The following SIK2 variants were observed in gnomAD, a reference collection of about 807,000 sequenced individuals.
SIK2 encodes serine/threonine-protein kinase SIK2.
A neutral mutation model predicts 103.2 loss-of-function variants in SIK2; 29 were observed. The ratio of observed to expected loss-of-function variants is 0.28; its 90% confidence interval spans 0.21 to 0.38. The LOEUF (loss-of-function observed/expected upper bound fraction) is 0.38, where lower values mean the gene tolerates loss of function less well. Among genes scored for constraint, SIK2 ranks in the 10% least tolerant of loss-of-function variants. The probability of loss-of-function intolerance (pLI) is 1.00; values close to 1 mark genes in which losing one functional copy is unlikely to be tolerated. For missense variants in SIK2, 879 were observed against 1,171.0 expected, an observed-to-expected ratio of 0.75 and a Z score of 3.64; for synonymous variants, 412 against 446.1, an observed-to-expected ratio of 0.92 and a Z score of 0.96.
chr11:111,730,686 CA>C lies in SIK2; in HGVS notation c.*6561del, dbSNP rs1944161922. On this transcript the variant is annotated 3_prime_UTR_variant, in exon 15 of 15. Coordinates refer to ENST00000304987, the MANE Select transcript of SIK2 (RefSeq NM_015191.3). Reference sequence around the variant, plus strand: ...ATAGCTCCAATGTGAAAAAAAAAATCAAAAGTATAACTTGTCACTTAATGTT... The same window carrying C: ...ATAGCTCCAATGTGAAAAAAAAAATCAAAGTATAACTTGTCACTTAATGTT... The C allele has an allele frequency of 6.6e-6, 1 of 151,234 alleles. No homozygotes were observed. The highest frequency in any genetic ancestry group is 1.5e-5 in the Non-Finnish European group (1 of 67,878). The allele number at this position is 151,234 out of a possible 1,614,324, so 9.4% of individuals were successfully genotyped here.
intron 3 of SIK2, among the ~76,000 whole-genome samples, chr11:111,677,562 C>A (rs1018008430): frequency 6.8e-6 from 1 of 147,876 alleles, no homozygotes; most frequent in Non-Finnish European, 1.5e-5. Context: ...AGATTACAGG[C>A]GTGTGCCACA....
chr11:111,622,362 TC>T (rs1941901132), intron 3 of SIK2, among the ~76,000 whole-genome samples: 1 of 148,572 alleles, frequency 6.7e-6, no homozygotes, highest in Non-Finnish European at 1.5e-5. Flanking sequence ...TTCACGCCAT[TC>T]TCCTGCCTCA....
chr11:111,693,980 C>A (rs958410158), intron 4 of SIK2, among the ~76,000 whole-genome samples: 1 of 152,154 alleles, frequency 6.6e-6, no homozygotes, highest in African/African-American at 2.4e-5. Flanking sequence ...GTTTCCTTAT[C>A]TGTAAAGGGA....
intron 3 of SIK2, among the ~76,000 whole-genome samples, chr11:111,637,971 A>C (rs1355681726): frequency 6.6e-6 from 1 of 152,104 alleles, no homozygotes; most frequent in Non-Finnish European, 1.5e-5. Context: ...TTTGTTTGTC[A>C]ATTCCTATTT....
intron 14 of SIK2, 70 bp from the exon 15 acceptor site, chr11:111,723,426 T>A: frequency 1.4e-6 from 2 of 1,478,014 alleles, no homozygotes; most frequent in South Asian, 2.7e-5. Context: ...GTGACTGGTA[T>A]TGCATTTACA....
chr11:111,610,577 A>C (rs1941709756), intron 1 of SIK2, among the ~76,000 whole-genome samples: 1 of 102,856 alleles, frequency 9.7e-6, no homozygotes, highest in Non-Finnish European at 2.3e-5. Flanking sequence ...TTCTGCTCTT[A>C]CATTTAATTC....
At chr11:111,622,690 A>G (rs1591591727) in intron 3 of SIK2, among the ~76,000 whole-genome samples, 1 of 139,224 alleles carries the variant, frequency 7.2e-6, no homozygotes, top group South Asian at 2.7e-4. Context: ...AGAATTCTAA[A>G]TGGACTTTTT....
intron 9 of SIK2, 23 bp downstream of exon 9, chr11:111,712,398 C>T (rs746693277): frequency 9.4e-6 from 15 of 1,600,448 alleles, no homozygotes; most frequent in Non-Finnish European, 1.3e-5. Context: ...TTGAGAGTCT[C>T]AGAACTGGCA....
intron 3 of SIK2, among the ~76,000 whole-genome samples, chr11:111,676,047 G>T (rs1460366689): frequency 1.3e-5 from 2 of 152,178 alleles, no homozygotes; most frequent in East Asian, 1.9e-4. Context: ...ATTCACTTAG[G>T]ATAATGGCTT....
intron 4 of SIK2, among the ~76,000 whole-genome samples, chr11:111,694,118 G>C (rs1276499305): frequency 6.6e-6 from 1 of 152,106 alleles, no homozygotes; most frequent in African/African-American, 2.4e-5. Context: ...AAAGCTCCTG[G>C]CACCATGTAA....
At chr11:111,606,044 C>T (rs1445236093) in intron 1 of SIK2, among the ~76,000 whole-genome samples, 1 of 152,146 alleles carries the variant, frequency 6.6e-6, no homozygotes, top group African/African-American at 2.4e-5. Flanking sequence ...AGCATGTCAG[C>T]TGTTAAACTT....
intron 3 of SIK2, among the ~76,000 whole-genome samples, chr11:111,663,212 A>G (rs1379390985): frequency 6.7e-6 from 1 of 148,448 alleles, no homozygotes; most frequent in Non-Finnish European, 1.5e-5. Flanking sequence ...CAGCCTGGGC[A>G]ACAGAGTGAG....
At position 111,701,127 on chromosome 11, in the gene SIK2, A is replaced by G. The variant is rs1943202939; in HGVS notation, c.603+117A>G. On this transcript the variant is annotated intron_variant, in intron 5 of 14. Transcript: ENST00000304987. This position sits in a 1 kb window ranked among gnomAD's most constrained non-coding sequence, Gnocchi z 4.2. Reference sequence around the variant, plus strand: ...ATAAGCAGTATTTCATATTTTCCCCATCCACTGGACTATAATTACTCAGAG... The same window carrying G: ...ATAAGCAGTATTTCATATTTTCCCCGTCCACTGGACTATAATTACTCAGAG... The G allele has an allele frequency of 7.5e-7, 1 of 1,332,538 alleles. No homozygotes were observed. The highest frequency in any genetic ancestry group is 1.5e-5 in the African/African-American group (1 of 68,070). The allele number at this position is 1,332,538 out of a possible 1,614,324, so 82.5% of individuals were successfully genotyped here. A position where few individuals can be genotyped will look rare whatever the true frequency, so the allele number is the denominator to read the frequency against.
intron 1 of SIK2, among the ~76,000 whole-genome samples, chr11:111,607,749 A>T (rs1168993618): frequency 6.6e-6 from 1 of 152,208 alleles, no homozygotes; most frequent in Non-Finnish European, 1.5e-5. Context: ...TATTTGTCAA[A>T]GTATTCTGCT....
At position 111,724,945 on chromosome 11, in the gene SIK2, A is replaced by C. The variant is rs1210256298; in HGVS notation, c.*816A>C. The C allele has an allele frequency of 2.6e-5, 4 of 152,470 alleles. No individual in the cohort carries two copies. The highest frequency in any genetic ancestry group is 9.6e-5 in the African/African-American group (4 of 41,586). 9.4% of individuals were successfully genotyped at this position (152,470 alleles called of 1,614,324 possible). On this transcript the variant is annotated 3_prime_UTR_variant, in exon 15 of 15. Coordinates refer to ENST00000304987, the MANE Select transcript of SIK2 (RefSeq NM_015191.3). Reference sequence around the variant, plus strand: ...GAGCACCAGCCCTGGGCCAGGGAAGACAGGCTCTTCCTGCAGTTTCTCGTG... The same window carrying C: ...GAGCACCAGCCCTGGGCCAGGGAAGCCAGGCTCTTCCTGCAGTTTCTCGTG...
At chr11:111,693,031 C>T (rs1051543317) in intron 4 of SIK2, among the ~76,000 whole-genome samples, 4 of 151,970 alleles carry the variant, frequency 2.6e-5, no homozygotes, top group Non-Finnish European at 5.9e-5. Flanking sequence ...TTGTTTTCCC[C>T]GTGGGTAAAA....
chr11:111,636,334 AAT>A (rs1395697367), intron 3 of SIK2, among the ~76,000 whole-genome samples: 2 of 152,144 alleles, frequency 1.3e-5, no homozygotes, highest in African/African-American at 4.8e-5. Flanking sequence ...CTCATATGTG[AAT>A]AGTCTAATTA....
At chr11:111,652,055 TCC>T (rs779121443) in intron 3 of SIK2, among the ~76,000 whole-genome samples, 22 of 152,196 alleles carry the variant, frequency 1.4e-4, no homozygotes, top group Non-Finnish European at 2.4e-4. Flanking sequence ...GCTTCTAAGA[TCC>T]CACCTAAACA....
chr11:111,628,464 G>A (rs928612932), intron 3 of SIK2, among the ~76,000 whole-genome samples: 3 of 39,072 alleles, frequency 7.7e-5, no homozygotes, highest in Non-Finnish European at 1.1e-4. Context: ...TTTGAGACAG[G>A]ATCTCACTCT....
Sources: gnomAD v4.1 joint callset for allele counts (sites outside exome capture counted in the v4.1 genomes callset) on GRCh38, gnomAD v4.1.1 for gene constraint, Gnocchi (gnomAD v3.1) non-coding constraint, MANE v1.5 for transcripts, NCBI Gene and HGNC (gene_info 2026-07-23, HGNC 2026-07-21) for gene names.